The following PXT1 variants were observed in gnomAD, a reference collection of about 807,000 sequenced individuals.
The protein encoded by PXT1 is peroxisomal testis-specific protein 1.
A neutral mutation model predicts 11.0 loss-of-function variants in PXT1; 11 were observed. That is an observed-to-expected ratio of 1.00 (90% CI 0.63 to 1.66). The LOEUF (loss-of-function observed/expected upper bound fraction) is 1.66, where lower values mean the gene tolerates loss of function less well. PXT1 is among the 40% of genes most tolerant of loss of function. The pLI is 0.00. For synonymous variants in PXT1, 43 were observed against 51.4 expected (o/e 0.84, Z 0.70); for missense variants, 141 against 155.5 (o/e 0.91, Z 0.49).
intron 3 of PXT1, among the ~76,000 whole-genome samples, chr6:36,408,990 A>C (rs2127412696): frequency 6.6e-6 from 1 of 152,290 alleles, no homozygotes; most frequent in South Asian, 2.1e-4. Context: ...CTGTCCCTCG[A>C]GTTGTATTTA....
chr6:36,418,223 T>A (rs1774478870), intron 3 of PXT1, among the ~76,000 whole-genome samples: 1 of 151,780 alleles, frequency 6.6e-6, no homozygotes, highest in African/African-American at 2.4e-5. Flanking sequence ...AATTTGTTAG[T>A]CTGGGAATGA....
chr6:36,430,370 AG>A (rs752576787), intron 2 of PXT1, among the ~76,000 whole-genome samples: 2 of 152,214 alleles, frequency 1.3e-5, no homozygotes, highest in Non-Finnish European at 2.9e-5. Flanking sequence ...CCTACCAGGC[AG>A]AATGGACTCT....
chr6:36,423,957 CTA>C (rs1222291640), intron 3 of PXT1, among the ~76,000 whole-genome samples: 1 of 152,182 alleles, frequency 6.6e-6, no homozygotes, highest in Non-Finnish European at 1.5e-5. Context: ...GTTGTTAACT[CTA>C]AATCAAGGGC....
chr6:36,433,222 T>G (rs543527301), intron 2 of PXT1, among the ~76,000 whole-genome samples: 1 of 152,180 alleles, frequency 6.6e-6, no homozygotes, highest in East Asian at 1.9e-4. Flanking sequence ...TCAAAGAAAT[T>G]ATATCATCAG....
At position 36,429,768 on chromosome 6, in the gene PXT1, G is replaced by T. The variant is rs145399377; in HGVS notation, c.-9-3677C>A. Among the ~76,000 whole-genome samples, 751 of 150,538 alleles carry T rather than the reference G, an allele frequency of 5.0e-3. 5 individuals carry two copies. The highest frequency in any genetic ancestry group is 0.011 in the African/African-American group (449 of 41,128). ...GATCCACCCACCTCGGCCTCCCAAA[G>T]GGCTGGGATTACAGGCGTGAGCCAC... is the stretch of plus-strand genomic sequence containing the variant. On this transcript the variant is annotated intron_variant, in intron 2 of 4. Transcript: ENST00000454782.
chr6:36,393,696 A>T (rs963715835), intron 4 of PXT1, among the ~76,000 whole-genome samples: 8 of 151,258 alleles, frequency 5.3e-5, no homozygotes, highest in Non-Finnish European at 7.4e-5. Flanking sequence ...ATGGCATTCT[A>T]GCCTGGATGA....
intron 3 of PXT1, among the ~76,000 whole-genome samples, chr6:36,404,300 G>T (rs1363057371): frequency 6.6e-6 from 1 of 152,154 alleles, no homozygotes; most frequent in Non-Finnish European, 1.5e-5. Context: ...CGTATACAAT[G>T]GTGGTCTCAT....
intron 2 of PXT1, among the ~76,000 whole-genome samples, chr6:36,427,615 A>G (rs1774626392): frequency 6.6e-6 from 1 of 152,208 alleles, no homozygotes; most frequent in African/African-American, 2.4e-5. Context: ...ATTTTATTTA[A>G]TCTAATATAT....
chr6:36,426,049 T>G lies in PXT1; in HGVS notation c.34A>C (p.Thr12Pro). The G allele has an allele frequency of 6.6e-7, 1 of 1,519,450 alleles. No homozygotes were observed. Among genetic ancestry groups the G allele is most frequent in the Non-Finnish European group, 8.8e-7 (1 of 1,139,414 alleles). 94.1% of individuals were successfully genotyped at this position (1,519,450 alleles called of 1,614,324 possible). A position where few individuals can be genotyped will look rare whatever the true frequency, so the allele number is the denominator to read the frequency against. ...GGAGATGGATTGAGAACTTCTTTAG[T>G]TTCATAAACAATGCCATCATGTTTT... The part of the protein sequence containing the change: ...KKKHDGIVYE[T>P]KEVLNPSPKV... Residue 12 changes from threonine (T) to proline (P), a missense_variant, in exon 3 of 5, where the codon ACT (threonine) becomes CCT (proline). Coordinates refer to ENST00000454782, the MANE Select transcript of PXT1 (RefSeq NM_152990.4).
intron 3 of PXT1, among the ~76,000 whole-genome samples, chr6:36,424,655 A>G (rs1452272655): frequency 6.6e-6 from 1 of 151,906 alleles, no homozygotes; most frequent in East Asian, 1.9e-4. Context: ...ACAAAAACAA[A>G]TACAAAAACA....
At chr6:36,440,649 TA>T (rs1006691875) in intron 1 of PXT1, among the ~76,000 whole-genome samples, 1 of 151,840 alleles carries the variant, frequency 6.6e-6, no homozygotes, top group African/African-American at 2.4e-5. Context: ...TTGAGATACC[TA>T]CATTAAATTA....
At chr6:36,417,207 C>T (rs1270905921) in intron 3 of PXT1, among the ~76,000 whole-genome samples, 1 of 151,978 alleles carries the variant, frequency 6.6e-6, no homozygotes, top group Non-Finnish European at 1.5e-5. Context: ...ATTAGCCAGG[C>T]GTGGTGGCGG....
intron 3 of PXT1, among the ~76,000 whole-genome samples, chr6:36,412,219 G>A (rs927800931): frequency 6.6e-6 from 1 of 151,788 alleles, no homozygotes; most frequent in African/African-American, 2.4e-5. Flanking sequence ...AGGCGTGGTG[G>A]CGTGCACCTG....
chr6:36,403,660 GC>G (rs2127411325), intron 3 of PXT1, among the ~76,000 whole-genome samples: 1 of 152,306 alleles, frequency 6.6e-6, no homozygotes, highest in Non-Finnish European at 1.5e-5. Flanking sequence ...GATTGCCTGA[GC>G]TCAGGAGACC....
chr6:36,421,455 T>TCA (rs1374899175), intron 3 of PXT1, among the ~76,000 whole-genome samples: 3 of 152,086 alleles, frequency 2.0e-5, no homozygotes, highest in African/African-American at 7.2e-5. Context: ...AGTAAGACCC[T>TCA]GTCTCAAAAA....
At chr6:36,429,503 C>CTTTTTTTTTTTTTTTTTTT (rs1774658180) in intron 2 of PXT1, among the ~76,000 whole-genome samples, 1 of 104,254 alleles carries the variant, frequency 9.6e-6, no homozygotes, top group Non-Finnish European at 1.8e-5. Flanking sequence ...TTCTTTTTTT[C>CTTTTTTTTTTTTTTTTTTT]TTTTCTTTTT....
chr6:36,438,161 G>C (rs1195040232), intron 2 of PXT1, among the ~76,000 whole-genome samples: 1 of 151,894 alleles, frequency 6.6e-6, no homozygotes, highest in Non-Finnish European at 1.5e-5. Context: ...TGTATCTTTT[G>C]TTGGAGTTTC....
intron 2 of PXT1, among the ~76,000 whole-genome samples, chr6:36,432,337 A>C (rs1774704779): frequency 6.6e-6 from 1 of 152,148 alleles, no homozygotes; most frequent in Admixed American, 6.5e-5. Flanking sequence ...ATAAAAACAG[A>C]ACTTTCAATT....
At chr6:36,409,831 A>AAGGAAGGC (rs1474292541) in intron 3 of PXT1, among the ~76,000 whole-genome samples, 1 of 144,496 alleles carries the variant, frequency 6.9e-6, no homozygotes, top group Non-Finnish European at 1.5e-5. Flanking sequence ...GTCTGGAAGG[A>AAGGAAGGC]AGGAAGGAAG....
Sources: allele counts gnomAD v4.1 joint callset (sites outside exome capture counted in the v4.1 genomes callset), GRCh38; gene constraint gnomAD v4.1.1; transcripts MANE v1.5; gene names NCBI Gene and HGNC (gene_info 2026-07-23, HGNC 2026-07-21).